Variants in LIMCH1 observed in about 807,000 individuals in gnomAD.
The protein encoded by LIMCH1 is LIM and calponin homology domains 1, also known as LIM and calponin homology domains-containing protein 1.
In LIMCH1, 113 loss-of-function variants were observed where a neutral mutation model predicts 176.5. The observed-to-expected ratio is 0.64, with a 90% CI of 0.55 to 0.75. LIMCH1 has a LOEUF of 0.75. Ranked by LOEUF, LIMCH1 falls within the 30% of genes least tolerant of loss-of-function variation. The probability of loss-of-function intolerance (pLI) is 0.00; values close to 1 mark genes in which losing one functional copy is unlikely to be tolerated. For missense variants in LIMCH1, 1,674 were observed against 1,814.9 expected (o/e 0.92, Z 1.41); for synonymous variants, 619 against 645.9 (o/e 0.96, Z 0.63).
At chr4:41,674,877 T>C (rs2095164983) in intron 22 of LIMCH1, among the ~76,000 whole-genome samples, 1 of 152,156 alleles carries the variant, frequency 6.6e-6, no homozygotes, top group African/African-American at 2.4e-5. Context: ...ATTATAAACT[T>C]GAGAAAATGT....
chr4:41,543,784 A>T (rs1026426087), intron 1 of LIMCH1, among the ~76,000 whole-genome samples: 2 of 152,154 alleles, frequency 1.3e-5, no homozygotes, highest in African/African-American at 2.4e-5. Context: ...TATGGAGCAC[A>T]TGTGGTGTGT....
intron 1 of LIMCH1, among the ~76,000 whole-genome samples, chr4:41,547,859 G>GTATA (rs1247854633): frequency 1.4e-5 from 1 of 69,440 alleles, no homozygotes; most frequent in African/African-American, 6.8e-5. Context: ...TAATTTGTGT[G>GTATA]TGTGTATATA....
intron 2 of LIMCH1, among the ~76,000 whole-genome samples, chr4:41,515,860 T>A (rs1007171935): frequency 4.6e-5 from 7 of 152,198 alleles, no homozygotes; most frequent in African/African-American, 1.7e-4. Context: ...CAAGACTGGA[T>A]ACAGAAATCT....
chr4:41,482,621 G>T (rs1219082274), intron 1 of LIMCH1, among the ~76,000 whole-genome samples: 2 of 152,156 alleles, frequency 1.3e-5, no homozygotes, highest in Non-Finnish European at 2.9e-5. Flanking sequence ...AGCCAGGAAA[G>T]CGTGGCCTTA....
chr4:41,504,526 A>G (rs2154180878), intron 2 of LIMCH1, among the ~76,000 whole-genome samples: 1 of 152,138 alleles, frequency 6.6e-6, no homozygotes, highest in Middle Eastern at 3.4e-3. Context: ...GGTGCTTCCC[A>G]CTCGTGGGAG....
chr4:41,593,203 G>A (rs1388652254), intron 1 of LIMCH1, among the ~76,000 whole-genome samples: 3 of 152,180 alleles, frequency 2.0e-5, no homozygotes, highest in African/African-American at 7.2e-5. Flanking sequence ...TTTATACACA[G>A]GGCAAGCCCA....
At chr4:41,503,556 C>G (rs1481375878) in intron 2 of LIMCH1, among the ~76,000 whole-genome samples, 1 of 152,152 alleles carries the variant, frequency 6.6e-6, no homozygotes, top group East Asian at 1.9e-4. Flanking sequence ...TATTAGGTCT[C>G]TTTGAGGCCT....
chr4:41,367,579 G>C (rs746031781), intron 1 of LIMCH1, among the ~76,000 whole-genome samples: 1 of 147,624 alleles, frequency 6.8e-6, no homozygotes, highest in African/African-American at 2.5e-5. Context: ...GGTGGCTCAC[G>C]CCTGTAATCC....
intron 1 of LIMCH1, among the ~76,000 whole-genome samples, chr4:41,463,412 T>C (rs1397288472): frequency 6.6e-6 from 1 of 152,138 alleles, no homozygotes; most frequent in East Asian, 1.9e-4. Context: ...AAATCTGTGA[T>C]AAATGTCTAG....
intron 1 of LIMCH1, among the ~76,000 whole-genome samples, chr4:41,477,043 A>AG (rs1244079339): frequency 6.6e-6 from 1 of 152,176 alleles, no homozygotes; most frequent in Non-Finnish European, 1.5e-5. Flanking sequence ...AACTGATAAT[A>AG]GGGGGAAATC....
At chr4:41,511,613 T>C (rs1160958987) in intron 2 of LIMCH1, among the ~76,000 whole-genome samples, 1 of 152,256 alleles carries the variant, frequency 6.6e-6, no homozygotes, top group Non-Finnish European at 1.5e-5. Flanking sequence ...CCCATCTTTG[T>C]ATGCCTAATG....
intron 18 of LIMCH1, among the ~76,000 whole-genome samples, chr4:41,652,442 C>T (rs1479384022): frequency 6.6e-6 from 1 of 152,130 alleles, no homozygotes; most frequent in African/African-American, 2.4e-5. Context: ...CCTGGACTTC[C>T]ATTTTACTTG....
rs183041173 is a variant in LIMCH1 at position 41,528,741 on chromosome 4, A to G, written c.237+4263A>G. ...TTAATGGGCTAGTGTTGAGAAGCCA[A>G]TCCATTAAGATGGCCCAGCTGCTTG... On this transcript the variant is annotated intron_variant, in intron 3 of 26. Coordinates refer to the LIMCH1 transcript ENST00000313860. Among the ~76,000 whole-genome samples, 6 of 152,292 alleles carry G rather than the reference A, an allele frequency of 3.9e-5. No homozygotes were observed. In the East Asian group the frequency reaches 5.8e-4, roughly 15 times the overall value.
At chr4:41,471,030 T>TTTG (rs1260571697) in intron 1 of LIMCH1, among the ~76,000 whole-genome samples, 2 of 149,996 alleles carry the variant, frequency 1.3e-5, no homozygotes, top group African/African-American at 4.9e-5. Context: ...ACTAAGACTT[T>TTTG]TTTTTTTTTT....
chr4:41,556,011 T>C (rs1369504155), intron 1 of LIMCH1, among the ~76,000 whole-genome samples: 1 of 152,074 alleles, frequency 6.6e-6, no homozygotes, highest in East Asian at 1.9e-4. Flanking sequence ...TCTGAAGGTG[T>C]TGGGATTACA....
intron 1 of LIMCH1, among the ~76,000 whole-genome samples, chr4:41,443,086 C>G (rs1561386189): frequency 6.6e-6 from 1 of 151,384 alleles, no homozygotes. Flanking sequence ...GAAACATAAG[C>G]TAGCAAGCAA....
chr4:41,551,917 A>G (rs1281436411), intron 1 of LIMCH1, among the ~76,000 whole-genome samples: 1 of 152,148 alleles, frequency 6.6e-6, no homozygotes, highest in Non-Finnish European at 1.5e-5. Flanking sequence ...TTCTATGTGT[A>G]TTAGTCTGTT....
upstream of LIMCH1, among the ~76,000 whole-genome samples, chr4:41,536,427 T>C (rs1389264513): frequency 6.6e-6 from 1 of 152,194 alleles, no homozygotes; most frequent in Non-Finnish European, 1.5e-5. Context: ...TTAATTCCTC[T>C]CTGTCGCTCT....
At chr4:41,538,072 T>A (rs934118163), upstream of LIMCH1, 8 of 694,488 alleles carry the variant, frequency 1.2e-5, no homozygotes, top group Non-Finnish European at 1.4e-5. Context: ...ATGCCATTCC[T>A]TTTCCTCAGA....
Sources: allele counts gnomAD v4.1 joint callset (sites outside exome capture counted in the v4.1 genomes callset), GRCh38; gene constraint gnomAD v4.1.1; transcripts MANE v1.5; gene names NCBI Gene and HGNC (gene_info 2026-07-23, HGNC 2026-07-21).